Variants in DPYD observed in about 807,000 individuals in gnomAD.
DPYD encodes the protein dihydropyrimidine dehydrogenase [NADP(+)].
Under a neutral mutation model 116.2 loss-of-function variants are expected in DPYD, and 109 were observed. The ratio of observed to expected loss-of-function variants is 0.94; its 90% CI spans 0.80 to 1.10. The LOEUF (loss-of-function observed/expected upper bound fraction) is 1.10. Among genes scored for constraint, DPYD ranks in the 50% least tolerant of loss-of-function variants. The probability of loss-of-function intolerance (pLI) is 0.00; values close to 1 mark genes in which losing one functional copy is unlikely to be tolerated. For synonymous variants in DPYD, 440 were observed against 432.0 expected, an observed-to-expected ratio of 1.02 and a Z score of -0.23; for missense variants, 1,302 against 1,254.5, an observed-to-expected ratio of 1.04 and a Z score of -0.57.
intron 13 of DPYD, among the ~76,000 whole-genome samples, chr1:97,469,989 A>G (rs1181639847): frequency 6.6e-6 from 1 of 152,224 alleles, no homozygotes; most frequent in Non-Finnish European, 1.5e-5. Flanking sequence ...TGGATAGCTA[A>G]ATAGACTTGA....
chr1:97,568,319 T>C (rs557643839), intron 11 of DPYD, among the ~76,000 whole-genome samples: 10 of 152,252 alleles, frequency 6.6e-5, no homozygotes, highest in African/African-American at 2.4e-4. Flanking sequence ...TAAAATATGG[T>C]TTTGTTACAG....
chr1:97,107,142 C>A (rs1381024112), intron 20 of DPYD, among the ~76,000 whole-genome samples: 1 of 152,122 alleles, frequency 6.6e-6, no homozygotes, highest in Non-Finnish European at 1.5e-5. Flanking sequence ...TGCCTTGAAA[C>A]TCCTGCATGC....
chr1:97,585,655 C>T (rs1654041714), intron 10 of DPYD, among the ~76,000 whole-genome samples: 2 of 151,980 alleles, frequency 1.3e-5, no homozygotes. Context: ...TTATGTCTTT[C>T]GAATAGCATA....
chr1:97,796,160 T>C (rs1667558303), intron 3 of DPYD, among the ~76,000 whole-genome samples: 1 of 152,090 alleles, frequency 6.6e-6, no homozygotes, highest in South Asian at 2.1e-4. Flanking sequence ...ACTTTTATTG[T>C]ACAGTTTAAA....
chr1:97,635,947 G>C (rs1291986163), intron 8 of DPYD, among the ~76,000 whole-genome samples: 1 of 152,006 alleles, frequency 6.6e-6, no homozygotes, highest in African/African-American at 2.4e-5. Context: ...AGCCTCCCCA[G>C]TACCTGGGAC....
intron 3 of DPYD, among the ~76,000 whole-genome samples, chr1:97,807,167 G>T (rs529570756): frequency 6.6e-6 from 1 of 152,066 alleles, no homozygotes; most frequent in Admixed American, 6.6e-5. Flanking sequence ...AATTACTTTG[G>T]GTAAATGCCA....
intron 13 of DPYD, among the ~76,000 whole-genome samples, chr1:97,510,026 T>C (rs979757532): frequency 1.3e-5 from 2 of 151,898 alleles, no homozygotes; most frequent in Non-Finnish European, 2.9e-5. Flanking sequence ...GTGCTATAAC[T>C]TTATTTGGGC....
At chr1:97,827,107 T>C (rs1387471764) in intron 3 of DPYD, among the ~76,000 whole-genome samples, 1 of 152,058 alleles carries the variant, frequency 6.6e-6, no homozygotes, top group Non-Finnish European at 1.5e-5. Flanking sequence ...GGTTACTAAA[T>C]GAGAGCAGCT....
intron 14 of DPYD, among the ~76,000 whole-genome samples, chr1:97,413,992 A>C (rs1430029104): frequency 4.6e-5 from 7 of 152,178 alleles, no homozygotes; most frequent in Non-Finnish European, 1.0e-4. Context: ...TTATATGTAG[A>C]TTATAATATA....
chr1:97,631,119 G>A (rs1657233654), intron 8 of DPYD, among the ~76,000 whole-genome samples: 1 of 152,050 alleles, frequency 6.6e-6, no homozygotes, highest in South Asian at 2.1e-4. Flanking sequence ...GTGGGCTATG[G>A]CGTCTCAACA....
intron 4 of DPYD, among the ~76,000 whole-genome samples, chr1:97,726,229 G>T (rs1448659370): frequency 6.6e-6 from 1 of 151,530 alleles, no homozygotes; most frequent in Non-Finnish European, 1.5e-5. Context: ...AATAAATACA[G>T]AAGTGAGCCA....
intron 8 of DPYD, among the ~76,000 whole-genome samples, chr1:97,660,746 T>A (rs1255333411): frequency 6.6e-6 from 1 of 152,190 alleles, no homozygotes; most frequent in Non-Finnish European, 1.5e-5. Context: ...TTGGCTGACA[T>A]GTTCCACCTT....
At chr1:97,685,962 CAG>C (rs1442111028) in intron 7 of DPYD, among the ~76,000 whole-genome samples, 1 of 152,152 alleles carries the variant, frequency 6.6e-6, no homozygotes. Context: ...ACATTCCTCA[CAG>C]AGTTAGAAAA....
At chr1:97,373,376 T>G (rs943299082) in intron 16 of DPYD, among the ~76,000 whole-genome samples, 185 bp downstream of exon 16, 8 of 152,224 alleles carry the variant, frequency 5.3e-5, no homozygotes, top group African/African-American at 1.9e-4. Context: ...ACTAAACAGT[T>G]GCTATAATTT....
chr1:97,482,400 T>C (rs1337210168), intron 13 of DPYD, among the ~76,000 whole-genome samples: 3 of 152,222 alleles, frequency 2.0e-5, no homozygotes, highest in Non-Finnish European at 4.4e-5. Flanking sequence ...TACAATTCTA[T>C]AAGTATTGAC....
At chr1:97,833,489 A>AG (rs1669627979) in intron 2 of DPYD, among the ~76,000 whole-genome samples, 1 of 152,108 alleles carries the variant, frequency 6.6e-6, no homozygotes, top group African/African-American at 2.4e-5. Flanking sequence ...CCAGATTAAG[A>AG]GAAAAAAAGG....
intron 2 of DPYD, among the ~76,000 whole-genome samples, chr1:97,862,973 T>C (rs1297864687): frequency 2.0e-5 from 3 of 151,852 alleles, no homozygotes; most frequent in African/African-American, 7.2e-5. Context: ...AAAATACTTT[T>C]CAAAAAATAA....
intron 16 of DPYD, among the ~76,000 whole-genome samples, chr1:97,331,946 A>G (rs1669030551): frequency 6.6e-6 from 1 of 152,184 alleles, no homozygotes; most frequent in South Asian, 2.1e-4. Flanking sequence ...TCACTGTTTT[A>G]TCTATTATCC....
chr1:97,637,455 T>A (rs1657633295), intron 8 of DPYD, among the ~76,000 whole-genome samples: 1 of 151,962 alleles, frequency 6.6e-6, no homozygotes, highest in African/African-American at 2.4e-5. Context: ...GTTTATTTTA[T>A]AGACCCCCCA....
Sources: allele counts gnomAD v4.1 joint callset (sites outside exome capture counted in the v4.1 genomes callset), GRCh38; gene constraint gnomAD v4.1.1; transcripts MANE v1.5; gene names NCBI Gene and HGNC (gene_info 2026-07-23, HGNC 2026-07-21).